The following FOLH1 variants were observed in gnomAD, a reference collection of about 807,000 sequenced individuals.
FOLH1 encodes folate hydrolase 1, also known as glutamate carboxypeptidase 2.
In FOLH1, 54 loss-of-function variants were observed where a neutral mutation model predicts 93.9. The observed-to-expected ratio is 0.57, with a 90% CI of 0.46 to 0.72. The LOEUF is 0.72. Ranked by LOEUF, FOLH1 falls within the 30% of genes least tolerant of loss-of-function variation. The pLI, the probability that FOLH1 is intolerant of heterozygous loss-of-function variation, is 0.00. For synonymous variants in FOLH1, 249 were observed against 303.6 expected (o/e 0.82, Z 1.87); for missense variants, 571 against 892.5 (o/e 0.64, Z 4.59).
At chr11:49,147,940 G>A (rs552839040) in intron 18 of FOLH1, among the ~76,000 whole-genome samples, 12 of 151,828 alleles carry the variant, frequency 7.9e-5, no homozygotes, top group South Asian at 2.1e-4. Context: ...GGAAAAAAAG[G>A]GGGGGTGGGG....
intron 15 of FOLH1, among the ~76,000 whole-genome samples, chr11:49,154,755 G>T (rs1387726660): frequency 1.3e-5 from 2 of 151,758 alleles, no homozygotes; most frequent in African/African-American, 2.4e-5. Flanking sequence ...TTGCCTCTAA[G>T]AATGCAGAAC....
chr11:49,206,226 A>AT, intron 1 of FOLH1, 54 bp from the exon 2 acceptor site: 2 of 1,603,814 alleles, frequency 1.2e-6, no homozygotes, highest in East Asian at 2.2e-5. Context: ...GATAGGACTT[A>AT]TTTTTCATTA....
intron 2 of FOLH1, among the ~76,000 whole-genome samples, chr11:49,202,798 G>C (rs1172342373): frequency 6.6e-6 from 1 of 152,174 alleles, no homozygotes; most frequent in Non-Finnish European, 1.5e-5. Context: ...GCATGTGCCT[G>C]TAGTACTACC....
At position 49,208,282 on chromosome 11, in the gene FOLH1, GC is replaced by G; in HGVS notation, c.118+9del. On this transcript the variant is annotated intron_variant, in intron 1 of 18. Coordinates refer to ENST00000256999, the MANE Select transcript of FOLH1 (RefSeq NM_004476.3). Reference sequence around the variant, plus strand: ...GACTCCGAGGTTTGCTCCGCGAGGCGCCCCCCTACCGAAGAGGAAGCCGAGG... The same window carrying G: ...GACTCCGAGGTTTGCTCCGCGAGGCGCCCCCTACCGAAGAGGAAGCCGAGG... 2.0e-6 allele frequency: 3 copies of G among 1,525,886 alleles called. No homozygotes were observed. The highest frequency in any genetic ancestry group is 2.7e-6 in the Non-Finnish European group (3 of 1,127,736). 94.5% of individuals were successfully genotyped at this position (1,525,886 alleles called of 1,614,324 possible).
chr11:49,147,441 T>A (rs574234818), intron 18 of FOLH1, among the ~76,000 whole-genome samples: 1 of 31,182 alleles, frequency 3.2e-5, no homozygotes, highest in Admixed American at 4.2e-4. Context: ...CAACCCTCTA[T>A]TGTGGTTTTT....
At chr11:49,203,999 C>T (rs1484903249) in intron 2 of FOLH1, among the ~76,000 whole-genome samples, 9 of 152,156 alleles carry the variant, frequency 5.9e-5, no homozygotes, top group Non-Finnish European at 7.3e-5. Context: ...CCTGGGCATG[C>T]GTGTTAGAGA....
intron 17 of FOLH1, 73 bp from the exon 18 acceptor site, chr11:49,148,804 CA>C: frequency 7.7e-7 from 1 of 1,300,600 alleles, no homozygotes; most frequent in South Asian, 1.6e-5. Flanking sequence ...AATTTCAGAA[CA>C]AAACTGAATT....
At chr11:49,183,881 G>T (rs1175041466) in intron 6 of FOLH1, among the ~76,000 whole-genome samples, 4 of 151,778 alleles carry the variant, frequency 2.6e-5, no homozygotes, top group Non-Finnish European at 5.9e-5. Context: ...CCAGAAAGGG[G>T]TACAAAAGAA....
rs201886725 is a variant in FOLH1 at position 49,173,436 on chromosome 11, C to T, written c.1146G>A (p.Val382=). 9.9e-6 allele frequency: 16 copies of T among 1,611,720 alleles called. No homozygotes were observed. The highest frequency in any genetic ancestry group is 1.4e-5 in the Non-Finnish European group (16 of 1,178,538). ...VILGGHRDSW[V]FGGIDPQSGA... ...CACTCTGAGGGTCAATACCACCAAA[C>T]ACCCATGAGTCCCGGTGACCTCCCA... Residue 382 remains valine, a synonymous_variant, in exon 10 of 19, where the codon GTG becomes GTA. Transcript: ENST00000256999.
chr11:49,203,170 C>G (rs1303162798), intron 2 of FOLH1, among the ~76,000 whole-genome samples: 1 of 152,148 alleles, frequency 6.6e-6, no homozygotes, highest in African/African-American at 2.4e-5. Flanking sequence ...CAAATACAGA[C>G]CAGTAAAATT....
intron 7 of FOLH1, among the ~76,000 whole-genome samples, chr11:49,177,982 G>GA (rs35053687): frequency 2.0e-5 from 3 of 149,556 alleles, no homozygotes; most frequent in South Asian, 2.1e-4. Context: ...AAAAACAAAA[G>GA]AAAAAAAAGG....
At chr11:49,193,092 G>T (rs951862517) in intron 3 of FOLH1, among the ~76,000 whole-genome samples, 198 bp from the exon 4 acceptor site, 2 of 152,110 alleles carry the variant, frequency 1.3e-5, no homozygotes, top group African/African-American at 4.8e-5. Flanking sequence ...CACAGATTCT[G>T]TCCTCAAAAT....
chr11:49,157,410 A>T (rs1181833544), intron 14 of FOLH1, among the ~76,000 whole-genome samples: 2 of 152,056 alleles, frequency 1.3e-5, no homozygotes, highest in African/African-American at 4.8e-5. Context: ...CTAATCCAAA[A>T]ATCCAAAATC....
At chr11:49,189,671 G>A (rs1861811680) in intron 4 of FOLH1, among the ~76,000 whole-genome samples, 1 of 152,152 alleles carries the variant, frequency 6.6e-6, no homozygotes, top group Non-Finnish European at 1.5e-5. Flanking sequence ...AATGAGTATG[G>A]CTATTGCACC....
At chr11:49,186,934 A>G (rs1460457267) in intron 4 of FOLH1, among the ~76,000 whole-genome samples, 165 bp from the exon 5 acceptor site, 1 of 152,206 alleles carries the variant, frequency 6.6e-6, no homozygotes, top group Admixed American at 6.5e-5. Flanking sequence ...AATGAATTTA[A>G]ATTGAGAATG....
intron 12 of FOLH1, among the ~76,000 whole-genome samples, chr11:49,166,960 G>A (rs1228490573): frequency 6.6e-6 from 1 of 151,844 alleles, no homozygotes; most frequent in African/African-American, 2.4e-5. Flanking sequence ...GACGGGGGAG[G>A]ATCAGTTGAG....
intron 13 of FOLH1, among the ~76,000 whole-genome samples, chr11:49,159,139 T>TTAAGA (rs1857354515): frequency 6.6e-6 from 1 of 152,208 alleles, no homozygotes; most frequent in African/African-American, 2.4e-5. Flanking sequence ...TCTTGCCTGA[T>TTAAGA]TACCCTGGCC....
chr11:49,171,843 C>T (rs1859351842), intron 10 of FOLH1, among the ~76,000 whole-genome samples: 1 of 152,090 alleles, frequency 6.6e-6, no homozygotes, highest in Admixed American at 6.6e-5. Context: ...AAACACTGAC[C>T]TTGGAGTTAA....
At chr11:49,198,479 C>G (rs1272735631) in intron 3 of FOLH1, among the ~76,000 whole-genome samples, 1 of 127,736 alleles carries the variant, frequency 7.8e-6, no homozygotes, top group Non-Finnish European at 1.6e-5. Flanking sequence ...GAGACTCCGT[C>G]TCAAAAAAAA....
Sources: gnomAD v4.1 joint callset for allele counts (sites outside exome capture counted in the v4.1 genomes callset) on GRCh38, gnomAD v4.1.1 for gene constraint, MANE v1.5 for transcripts, NCBI Gene and HGNC (gene_info 2026-07-23, HGNC 2026-07-21) for gene names.